PADI3: variants seen among roughly 807,000 people sequenced by gnomAD.
PADI3 encodes the protein peptidyl arginine deiminase 3.
A neutral mutation model predicts 71.5 loss-of-function variants in PADI3; 53 were observed. That is an observed-to-expected ratio of 0.74 (90% CI 0.59 to 0.93). The LOEUF (loss-of-function observed/expected upper bound fraction) is 0.93. PADI3 is among the 40% of genes least tolerant of loss of function. The probability of loss-of-function intolerance (pLI) is 0.00; values close to 1 mark genes in which losing one functional copy is unlikely to be tolerated. For synonymous variants in PADI3, 361 were observed against 347.5 expected (o/e 1.04, Z -0.43); for missense variants, 821 against 868.0 (o/e 0.95, Z 0.68).
chr1:17,283,484 T>C lies in PADI3; in HGVS notation c.*405T>C, dbSNP rs2073427916. 1 of 178,604 alleles carries C rather than the reference T, an allele frequency of 5.6e-6. No individual in the cohort carries two copies. The highest frequency in any genetic ancestry group is 2.4e-5 in the African/African-American group (1 of 41,924). 11.1% of individuals were successfully genotyped at this position (178,604 alleles called of 1,614,324 possible). The stretch of plus-strand genomic sequence containing the variant: ...GGAAGGATCCATGATTCTGCTTTGG[T>C]CCAATTGCTTCCTCTCTGCAGAGGA... On this transcript the variant is annotated 3_prime_UTR_variant, in exon 16 of 16. Coordinates refer to ENST00000375460, the MANE Select transcript of PADI3 (RefSeq NM_016233.2).
At chr1:17,254,199 G>A (rs1252284336) in intron 1 of PADI3, among the ~76,000 whole-genome samples, 4 of 152,122 alleles carry the variant, frequency 2.6e-5, no homozygotes, top group Non-Finnish European at 5.9e-5. Context: ...TGGCAGCGTC[G>A]GCGGATCTGG....
chr1:17,268,610 C>T (rs1005392785), intron 6 of PADI3, among the ~76,000 whole-genome samples: 13 of 143,820 alleles, frequency 9.0e-5, no homozygotes, highest in Admixed American at 9.0e-4. Context: ...TGGGTTCTGG[C>T]GATTCTCCTG....
intron 1 of PADI3, among the ~76,000 whole-genome samples, chr1:17,250,849 C>G (rs1181223091): frequency 6.6e-6 from 1 of 152,184 alleles, no homozygotes; most frequent in Non-Finnish European, 1.5e-5. Flanking sequence ...CCTGGCTCCT[C>G]CCCCGCAGAG....
Position 17,259,727 on chromosome 1 carries a change from A to G in PADI3, c.242A>G (p.Asn81Ser). 2 of 1,610,572 alleles carry G rather than the reference A, an allele frequency of 1.2e-6. No individual in the cohort carries two copies. The highest frequency in any genetic ancestry group is 2.2e-5 in the South Asian group (2 of 90,668). Residue 81 changes from asparagine to serine, a missense_variant, in exon 2 of 16, where the codon AAC (asparagine) becomes AGC (serine). By Grantham distance (46) the Asn-to-Ser change is conservative (BLOSUM62 1). Transcript: ENST00000375460. Reference sequence around the variant, plus strand: ...ACTTTGGAGATCATCGTGGTCATGAACTCCCCCAGCAATGACCTCAACGAC... The same window carrying G: ...ACTTTGGAGATCATCGTGGTCATGAGCTCCCCCAGCAATGACCTCAACGAC... ...DATLEIIVVM[N>S]SPSNDLNDSH... is the part of the protein sequence containing the mutation.
chr1:17,271,504 C>T (rs2073250676), intron 9 of PADI3, among the ~76,000 whole-genome samples: 1 of 152,198 alleles, frequency 6.6e-6, no homozygotes, highest in Admixed American at 6.5e-5. Flanking sequence ...CCCCAGGAGA[C>T]GTTTTGCAGT....
At chr1:17,270,806 G>T in intron 7 of PADI3, 73 bp from the exon 8 acceptor site, 3 of 1,044,456 alleles carry the variant, frequency 2.9e-6, no homozygotes, top group African/African-American at 1.6e-5. Context: ...GGACCACAGT[G>T]GTGGAATCAG....
rs1569896104 is a variant in PADI3, at chr1:17,266,834, A to G, written c.524A>G (p.Gln175Arg). 1 of 1,611,754 alleles carries G rather than the reference A, an allele frequency of 6.2e-7. No homozygotes were observed. Among genetic ancestry groups the G allele is most frequent in the South Asian group, 1.1e-5 (1 of 91,040 alleles). ...DNCDQHVHCL[Q>R]DLEDMSVMVL... ...TGTGACCAGCACGTGCACTGCCTGCAAGGTGAGGCCGGGGCAGCCTGAGTC... is the reference window on the plus strand; with the variant it reads ...TGTGACCAGCACGTGCACTGCCTGCGAGGTGAGGCCGGGGCAGCCTGAGTC... The change falls in exon 5 of 16, where the codon CAA becomes CGA. Residue 175 changes from glutamine (Q) to arginine (R), a missense_variant and splice_region_variant. Transcript: ENST00000375460.
chr1:17,259,788 G>C (rs2073080962), intron 2 of PADI3, 30 bp downstream of exon 2: 2 of 1,563,894 alleles, frequency 1.3e-6, no homozygotes, highest in Non-Finnish European at 1.7e-6. Context: ...GGTGGGGAGA[G>C]GTTTCGAGGG....
intron 1 of PADI3, among the ~76,000 whole-genome samples, chr1:17,254,660 G>A (rs2073006178): frequency 6.6e-6 from 1 of 152,074 alleles, no homozygotes; most frequent in African/African-American, 2.4e-5. Context: ...TGATACACGA[G>A]GGGGATGGGC....
At chr1:17,251,365 G>C (rs549701962) in intron 1 of PADI3, among the ~76,000 whole-genome samples, 10 of 152,310 alleles carry the variant, frequency 6.6e-5, no homozygotes, top group Non-Finnish European at 1.2e-4. Flanking sequence ...AGGGCAGTAG[G>C]TGTTGTGGCT....
Position 17,273,459 on chromosome 1 carries a change from C to A in PADI3, c.1155+12C>A. 2 of 1,576,070 alleles carry A rather than the reference C, an allele frequency of 1.3e-6. No homozygotes were observed. Among genetic ancestry groups the A allele is most frequent in the African/African-American group, 1.3e-5 (1 of 74,286 alleles). Reference sequence around the variant, plus strand: ...ACAAAAGAATCCTGGTGAGTGGTCCCGGCCGCAGCCCACCCCTGAGAGCTG... The same window carrying A: ...ACAAAAGAATCCTGGTGAGTGGTCCAGGCCGCAGCCCACCCCTGAGAGCTG... On this transcript the variant is annotated intron_variant, in intron 10 of 15. Transcript: ENST00000375460.
At chr1:17,276,911 G>A (rs1015756447) in intron 13 of PADI3, 35 bp downstream of exon 13, 1 of 1,548,104 alleles carries the variant, frequency 6.5e-7, no homozygotes, top group Admixed American at 1.9e-5. Context: ...CTTGCGGCTT[G>A]CCTGCCCCTT....
chr1:17,260,524 G>A (rs2073090297), intron 2 of PADI3, among the ~76,000 whole-genome samples: 2 of 152,136 alleles, frequency 1.3e-5, no homozygotes, highest in South Asian at 4.1e-4. Context: ...CCAGAGAGGT[G>A]GGGGACTGAT....
chr1:17,281,421 G>C (rs2073398580), intron 15 of PADI3, among the ~76,000 whole-genome samples: 1 of 151,562 alleles, frequency 6.6e-6, no homozygotes, highest in Non-Finnish European at 1.5e-5. Flanking sequence ...CTTTGCCTCT[G>C]ATGCTTGTAA....
At chr1:17,280,467 G>T (rs2100605017) in intron 14 of PADI3, 38 bp downstream of exon 14, 3 of 1,567,548 alleles carry the variant, frequency 1.9e-6, no homozygotes, top group Non-Finnish European at 2.6e-6. Flanking sequence ...CTGTGATTTG[G>T]GAGTAGGCGG....
chr1:17,279,270 G>A (rs1193134849), intron 13 of PADI3, among the ~76,000 whole-genome samples: 3 of 152,222 alleles, frequency 2.0e-5, no homozygotes, highest in Non-Finnish European at 4.4e-5. Context: ...CCAGAGCACT[G>A]ATTAGACACC....
chr1:17,260,202 C>T (rs1340769878), intron 2 of PADI3, among the ~76,000 whole-genome samples: 1 of 152,140 alleles, frequency 6.6e-6, no homozygotes, highest in Non-Finnish European at 1.5e-5. Flanking sequence ...AGGGGAGGGA[C>T]ACCGGTGCCT....
intron 6 of PADI3, among the ~76,000 whole-genome samples, chr1:17,268,333 G>A (rs777276765): frequency 3.3e-5 from 5 of 151,998 alleles, no homozygotes; most frequent in African/African-American, 7.3e-5. Context: ...CTGAAGTTTT[G>A]TAAAACCAAC....
intron 15 of PADI3, among the ~76,000 whole-genome samples, chr1:17,282,306 A>G (rs548456952): frequency 2.0e-5 from 3 of 152,302 alleles, no homozygotes; most frequent in African/African-American, 7.2e-5. Context: ...TTCTGTGTCT[A>G]CATCATTCAT....
Sources: gnomAD v4.1 joint callset for allele counts (sites outside exome capture counted in the v4.1 genomes callset) on GRCh38, gnomAD v4.1.1 for gene constraint, MANE v1.5 for transcripts, NCBI Gene and HGNC (gene_info 2026-07-23, HGNC 2026-07-21) for gene names.